Variants in SIDT1 observed in about 807,000 individuals in gnomAD.
SIDT1 encodes the protein SID1 transmembrane family, member 1.
Under a neutral mutation model 107.5 loss-of-function variants are expected in SIDT1, and 101 were observed. That is an observed-to-expected ratio of 0.94 (90% confidence interval 0.80 to 1.11). The LOEUF is 1.11. Ranked by LOEUF, SIDT1 falls within the 50% of genes least tolerant of loss-of-function variation. The probability of loss-of-function intolerance (pLI) is 0.00; values close to 1 mark genes in which losing one functional copy is unlikely to be tolerated. For missense variants in SIDT1, 1,076 were observed against 1,058.2 expected (o/e 1.02, Z -0.23); for synonymous variants, 395 against 398.2 (o/e 0.99, Z 0.10).
In SIDT1 at chr3:113,592,762, A is replaced by G. The variant is rs142384079; in HGVS notation, c.1002-243A>G. On this transcript the variant is annotated intron_variant, in intron 9 of 24. Coordinates refer to ENST00000264852, the MANE Select transcript of SIDT1 (RefSeq NM_017699.3). ...GCCATCACGCCCAGCTAATTTTTGT[A>G]TTTTTATTAGAGACGGGGTTTCACC... The G allele has an allele frequency of 1.2e-3, 510 of 410,156 alleles. 1 individual carries two copies. Among genetic ancestry groups the G allele is most frequent in the African/African-American group, 9.1e-3 (447 of 49,042 alleles). The allele number at this position is 410,156 out of a possible 1,614,324, so 25.4% of individuals were successfully genotyped here.
intron 11 of SIDT1, 190 bp from the exon 12 acceptor site, chr3:113,602,815 C>T (rs3773687): frequency 0.19 from 94,174 of 491,728 alleles, 9,744 homozygotes; most frequent in Non-Finnish European, 0.2. Context: ...AATATAAAAA[C>T]AGGAGAAGAG....
In SIDT1 at chr3:113,541,986, C is replaced by T. The variant is rs374872527; in HGVS notation, c.222+8743C>T. 3.1e-3 allele frequency among the ~76,000 whole-genome samples: 458 copies of T among 149,654 alleles called. 6 individuals carry two copies. Among genetic ancestry groups the T allele is most frequent in the South Asian group, 0.016 (78 of 4,730 alleles). On this transcript the variant is annotated intron_variant, in intron 1 of 24. Transcript: ENST00000264852. ...TCACCCAGGTTGGAGTGCAATGGCA[C>T]GATCTTGACTCACTGCAACCTCTGC...
chr3:113,536,043 A>ATGT (rs1938115366), intron 1 of SIDT1, among the ~76,000 whole-genome samples: 1 of 152,236 alleles, frequency 6.6e-6, no homozygotes, highest in Admixed American at 6.5e-5. Flanking sequence ...ACATCACAGC[A>ATGT]CAAGATAGGT....
intron 19 of SIDT1, among the ~76,000 whole-genome samples, chr3:113,614,190 G>A (rs558477908): frequency 6.6e-5 from 10 of 152,252 alleles, no homozygotes; most frequent in Admixed American, 1.3e-4. Flanking sequence ...GGAGGACGCC[G>A]GCAAAATAAG....
At chr3:113,582,282 G>C (rs1943415897) in intron 6 of SIDT1, among the ~76,000 whole-genome samples, 1 of 152,088 alleles carries the variant, frequency 6.6e-6, no homozygotes, top group South Asian at 2.1e-4. Flanking sequence ...CTTTGGGGGA[G>C]GTACTTACTT....
At chr3:113,636,767 A>G in the SIDT1 span, among the ~76,000 whole-genome samples, 1 of 152,346 alleles carries the variant, frequency 6.6e-6, no homozygotes, top group South Asian at 2.1e-4. Flanking sequence ...AATAAGCATC[A>G]TCTCCTTAAT....
At chr3:113,609,997 T>C (rs1328184728) in intron 17 of SIDT1, among the ~76,000 whole-genome samples, 2 of 152,220 alleles carry the variant, frequency 1.3e-5, no homozygotes, top group East Asian at 1.9e-4. Context: ...AGCAAATTAA[T>C]AGTAGTTTAT....
chr3:113,581,180 G>A (rs73853723), intron 5 of SIDT1, among the ~76,000 whole-genome samples, 181 bp from the exon 6 acceptor site: 1,580 of 152,160 alleles, frequency 0.01, 14 homozygotes, highest in African/African-American at 0.027. Flanking sequence ...TAGAGGACGA[G>A]GCCCCAAGTC....
chr3:113,585,080 C>A, intron 8 of SIDT1, 97 bp from the exon 9 acceptor site: 1 of 840,006 alleles, frequency 1.2e-6, no homozygotes, highest in Non-Finnish European at 2.0e-6. Flanking sequence ...ACCTAAGAAT[C>A]AATATGATGG....
At chr3:113,556,821 C>CTTTTTTTTTTTTTTTTTTTTTT (rs61672960) in intron 1 of SIDT1, among the ~76,000 whole-genome samples, 3 of 107,660 alleles carry the variant, frequency 2.8e-5, no homozygotes, top group Non-Finnish European at 5.4e-5. Flanking sequence ...GTTTCTTTTT[C>CTTTTTTTTTTTTTTTTTTTTTT]TTTTTTTTTT....
intron 10 of SIDT1, among the ~76,000 whole-genome samples, chr3:113,596,078 A>T (rs796723350): frequency 6.6e-6 from 1 of 152,222 alleles, no homozygotes; most frequent in South Asian, 2.1e-4. Context: ...AGTTCGATGG[A>T]GCTCAGAGTT....
At position 113,619,985 on chromosome 3, in the gene SIDT1, T is replaced by C. The variant is rs1412660618; in HGVS notation, c.2090+259T>C. ...GTTAAGTCTATGTGGATACATTGGA[T>C]AGAAAGATGGGATGGACAGATGGAT... On this transcript the variant is annotated intron_variant, in intron 21 of 24. Transcript: ENST00000264852. The C allele has an allele frequency of 4.4e-5, 15 of 338,804 alleles. No homozygotes were observed. The Admixed American group carries it at 5.9e-4, about 13-fold the overall frequency. 21.0% of individuals were successfully genotyped at this position (338,804 alleles called of 1,614,324 possible). A position where few individuals can be genotyped will look rare whatever the true frequency, so the allele number is the denominator to read the frequency against.
intron 17 of SIDT1, 58 bp from the exon 18 acceptor site, chr3:113,610,950 A>G: frequency 1.9e-6 from 3 of 1,571,496 alleles, no homozygotes; most frequent in Non-Finnish European, 2.6e-6. Context: ...TCTAGAAAAT[A>G]TCATCTGTCT....
At chr3:113,538,817 G>A (rs115539838) in intron 1 of SIDT1, among the ~76,000 whole-genome samples, 4,295 of 152,238 alleles carry the variant, frequency 0.028, 107 homozygotes, top group East Asian at 0.095. Flanking sequence ...AAAGGGGAAA[G>A]GCATTTCAGA....
chr3:113,614,821 G>A (rs1361010893), intron 19 of SIDT1, among the ~76,000 whole-genome samples: 1 of 152,172 alleles, frequency 6.6e-6, no homozygotes, highest in Admixed American at 6.5e-5. Context: ...CACAAAAGTA[G>A]ACAGAGAGAG....
At chr3:113,622,551 G>A (rs963120040) in intron 21 of SIDT1, among the ~76,000 whole-genome samples, 4 of 146,728 alleles carry the variant, frequency 2.7e-5, no homozygotes, top group African/African-American at 7.6e-5. Context: ...TAACTGAATA[G>A]AAATTTGGAA....
intron 10 of SIDT1, among the ~76,000 whole-genome samples, chr3:113,594,695 G>T (rs1944411988): frequency 6.6e-6 from 1 of 152,110 alleles, no homozygotes; most frequent in Non-Finnish European, 1.5e-5. Context: ...CCCTTCTGAT[G>T]GTAAGCGGAA....
intron 9 of SIDT1, among the ~76,000 whole-genome samples, chr3:113,589,119 C>T (rs1943956133): frequency 6.6e-6 from 1 of 152,200 alleles, no homozygotes; most frequent in Non-Finnish European, 1.5e-5. Flanking sequence ...TTACTTCCCC[C>T]TCATTCAATT....
chr3:113,619,588 TG>T (rs1946321256), intron 20 of SIDT1, 91 bp from the exon 21 acceptor site: 2 of 1,087,758 alleles, frequency 1.8e-6, no homozygotes, highest in South Asian at 2.7e-5. Flanking sequence ...CCAATGCAAT[TG>T]TTTTCCCATA....
Sources: allele counts gnomAD v4.1 joint callset (sites outside exome capture counted in the v4.1 genomes callset), GRCh38; gene constraint gnomAD v4.1.1; transcripts MANE v1.5; gene names NCBI Gene and HGNC (gene_info 2026-07-23, HGNC 2026-07-21).